The following SAMMSON variants were observed in gnomAD, a reference collection of about 807,000 sequenced individuals.
SAMMSON encodes long intergenic non-protein coding RNA 1212.
At chr3:70,413,763 G>A (rs1193548931) in intron 2 of SAMMSON, among the ~76,000 whole-genome samples, 1 of 151,962 alleles carries the variant, frequency 6.6e-6, no homozygotes, top group African/African-American at 2.4e-5. Flanking sequence ...GAAAATAATA[G>A]GCATTCATTA....
At chr3:70,059,780 G>T (rs770118525) in intron 3 of SAMMSON, among the ~76,000 whole-genome samples, 1 of 152,000 alleles carries the variant, frequency 6.6e-6, no homozygotes, top group Non-Finnish European at 1.5e-5. Context: ...AACCCCCCCA[G>T]TTGGCAAGTT....
chr3:70,293,567 A>C (rs1296067095), intron 7 of SAMMSON, among the ~76,000 whole-genome samples: 13 of 152,100 alleles, frequency 8.5e-5, no homozygotes, highest in Non-Finnish European at 1.8e-4. Context: ...TGAAAATAAA[A>C]CATCTGTGCC....
At chr3:70,285,089 G>C (rs1702129843) in intron 6 of SAMMSON, among the ~76,000 whole-genome samples, 1 of 148,446 alleles carries the variant, frequency 6.7e-6, no homozygotes, top group Non-Finnish European at 1.5e-5. Flanking sequence ...TAAGTTTTAG[G>C]GTACATGTGC....
rs142679431 is a variant in SAMMSON, at chr3:70,312,120, A to T, written n.739+20877A>T. 911 of 388,624 alleles carry T rather than the reference A, an allele frequency of 2.3e-3. 9 individuals are homozygous for T. The highest frequency in any genetic ancestry group is 0.017 in the African/African-American group (836 of 48,520). 24.1% of individuals were successfully genotyped at this position (388,624 alleles called of 1,614,324 possible). ...GTTCACTGTCCAATGTTAAGTCTTA[A>T]CATTTTATTCATTTGTGTTATTTTA... is the stretch of plus-strand genomic sequence containing the variant. On this transcript the variant is annotated intron_variant and non_coding_transcript_variant, in intron 7 of 9. Coordinates refer to ENST00000642114, the Ensembl canonical transcript of SAMMSON.
Position 70,432,771 on chromosome 3 carries a change from A to G in SAMMSON, n.234-29789A>G, listed in dbSNP as rs867813735. On this transcript the variant is annotated intron_variant and non_coding_transcript_variant, in intron 2 of 3. Transcript: ENST00000641053. ...GCCCACCATTACAGTATTATATAGA[A>G]TGGTTTCACTGCCCTAAAAATACCC... is the stretch of plus-strand genomic sequence containing the variant. Among the ~76,000 whole-genome samples, 6 of 152,112 alleles carry G rather than the reference A, an allele frequency of 3.9e-5. No homozygotes were observed. In the Middle Eastern group the frequency reaches 0.01, roughly 259 times the overall value.
At chr3:70,308,792 G>C (rs1702428771) in intron 7 of SAMMSON, among the ~76,000 whole-genome samples, 1 of 152,114 alleles carries the variant, frequency 6.6e-6, no homozygotes, top group Admixed American at 6.6e-5. Flanking sequence ...AATAATAGCA[G>C]TACTCAGAAT....
intron 4 of SAMMSON, among the ~76,000 whole-genome samples, chr3:70,132,790 GA>G (rs10561210): frequency 1.4e-4 from 19 of 138,300 alleles, no homozygotes; most frequent in East Asian, 2.3e-4. Context: ...AAAAAGAAAA[GA>G]AAAAAAAAAC....
intron 7 of SAMMSON, among the ~76,000 whole-genome samples, chr3:70,320,307 G>A (rs1472336977): frequency 6.6e-6 from 1 of 152,076 alleles, no homozygotes. Context: ...AGCAATGACA[G>A]TGGGTTACCA....
At chr3:70,378,124 GTTATATATAAT>G (rs1299986434) in intron 9 of SAMMSON, among the ~76,000 whole-genome samples, 7 of 150,948 alleles carry the variant, frequency 4.6e-5, no homozygotes, top group Admixed American at 4.6e-4. Context: ...CTAGTATTTA[GTTATATATAAT>G]TTATATATAA....
intron 4 of SAMMSON, among the ~76,000 whole-genome samples, chr3:70,235,561 A>G (rs1003965692): frequency 1.3e-5 from 2 of 152,120 alleles, no homozygotes; most frequent in African/African-American, 2.4e-5. Context: ...TCCTTGACAC[A>G]TGGTCAGTCA....
intron 6 of SAMMSON, among the ~76,000 whole-genome samples, chr3:70,273,188 A>G (rs1701990494): frequency 6.6e-6 from 1 of 152,198 alleles, no homozygotes; most frequent in East Asian, 1.9e-4. Context: ...CTTGAAAGGT[A>G]TGCATGAGGT....
intron 7 of SAMMSON, among the ~76,000 whole-genome samples, chr3:70,293,323 T>G (rs1032022316): frequency 6.6e-6 from 1 of 152,134 alleles, no homozygotes; most frequent in Admixed American, 6.5e-5. Context: ...AACTGTGATA[T>G]AGTTGTATAT....
intron 4 of SAMMSON, among the ~76,000 whole-genome samples, chr3:70,245,411 A>G (rs1343335270): frequency 2.0e-5 from 3 of 151,742 alleles, no homozygotes; most frequent in Admixed American, 1.3e-4. Flanking sequence ...TTTAAAAAGT[A>G]CATGATTCTT....
intron 4 of SAMMSON, among the ~76,000 whole-genome samples, chr3:70,155,160 T>C (rs558665155): frequency 7.9e-4 from 120 of 152,056 alleles, no homozygotes; most frequent in African/African-American, 2.9e-3. Context: ...CTCGGTCAGG[T>C]CACCTATTTG....
At chr3:70,196,985 G>A in intron 4 of SAMMSON, 1 of 398,532 alleles carries the variant, frequency 2.5e-6, no homozygotes, top group East Asian at 3.6e-5. Flanking sequence ...CTGGTCTCAT[G>A]GCAAGATTCA....
At chr3:70,141,202 T>C (rs1017703786) in intron 4 of SAMMSON, among the ~76,000 whole-genome samples, 2 of 152,130 alleles carry the variant, frequency 1.3e-5, no homozygotes, top group African/African-American at 4.8e-5. Flanking sequence ...AAGATCTATG[T>C]ACATATAAAT....
chr3:70,071,546 A>G (rs1457085814), exon 4 of SAMMSON: 1 of 152,004 alleles, frequency 6.6e-6, no homozygotes, highest in African/African-American at 2.4e-5. Context: ...TGATAAAGAG[A>G]AACATCTATT....
At position 70,142,631 on chromosome 3, in the gene SAMMSON, C is replaced by T. The variant is rs147954526; in HGVS notation, n.507+71066C>T. 5.4e-3 allele frequency among the ~76,000 whole-genome samples: 817 copies of T among 152,110 alleles called. 10 individuals are homozygous for T. The highest frequency in any genetic ancestry group is 0.019 in the African/African-American group (778 of 41,490). On this transcript the variant is annotated intron_variant and non_coding_transcript_variant, in intron 4 of 9. Coordinates refer to ENST00000642114, the Ensembl canonical transcript of SAMMSON. Reference sequence around the variant, plus strand: ...GGTGCACGAAAATCTCACAAATCACCACCAAAGAACTTACTCATGTAACCA... The same window carrying T: ...GGTGCACGAAAATCTCACAAATCACTACCAAAGAACTTACTCATGTAACCA...
At chr3:70,332,971 A>G (rs1176298280) in intron 7 of SAMMSON, 1 of 152,192 alleles carries the variant, frequency 6.6e-6, no homozygotes, top group African/African-American at 2.4e-5. Context: ...CTACTTTACC[A>G]ATATTGTTAT....
Sources: allele counts gnomAD v4.1 joint callset (sites outside exome capture counted in the v4.1 genomes callset), GRCh38; gene constraint gnomAD v4.1.1; transcripts MANE v1.5; gene names NCBI Gene and HGNC (gene_info 2026-07-23, HGNC 2026-07-21).